The following KIF26B variants were observed in gnomAD, a reference collection of about 807,000 sequenced individuals.
KIF26B encodes the protein kinesin-like protein KIF26B.
KIF26B carries 63 observed loss-of-function variants against 151.2 expected under a neutral mutation model. That is an observed-to-expected ratio of 0.42 (90% CI 0.34 to 0.51). The LOEUF is 0.51. Ranked by LOEUF, KIF26B falls within the 20% of genes least tolerant of loss-of-function variation. The probability of loss-of-function intolerance (pLI) is 0.07; values close to 1 mark genes in which losing one functional copy is unlikely to be tolerated. For missense variants in KIF26B, 2,813 were observed against 2,913.6 expected (o/e 0.97, Z 0.79); for synonymous variants, 1,357 against 1,262.1 (o/e 1.08, Z -1.59).
chr1:245,176,421 G>T (rs1668810459), intron 2 of KIF26B, among the ~76,000 whole-genome samples: 1 of 152,184 alleles, frequency 6.6e-6, no homozygotes, highest in Non-Finnish European at 1.5e-5. Context: ...GGAGACCAGA[G>T]TTCAGGAAGC....
At chr1:245,501,725 C>A (rs545153308) in intron 4 of KIF26B, among the ~76,000 whole-genome samples, 1 of 152,302 alleles carries the variant, frequency 6.6e-6, no homozygotes, top group East Asian at 1.9e-4. Context: ...CTAAGACTAG[C>A]CACATATTTA....
At chr1:245,619,598 T>C (rs1377205144) in intron 9 of KIF26B, among the ~76,000 whole-genome samples, 1 of 92,710 alleles carries the variant, frequency 1.1e-5, no homozygotes, top group Admixed American at 1.3e-4. Flanking sequence ...AGAGGGAAAC[T>C]GTTTCAAAAA....
At position 245,164,934 on chromosome 1, in the gene KIF26B, G is replaced by C. The variant is rs191453971; in HGVS notation, c.465+8251G>C. ...CTAAAAATACAAAAATTAGCCGGGC[G>C]TGGTGGCCCACACCTGTAATCTCAG... On this transcript the variant is annotated intron_variant, in intron 2 of 14. Coordinates refer to ENST00000407071, the MANE Select transcript of KIF26B (RefSeq NM_018012.4). 3.0e-3 allele frequency among the ~76,000 whole-genome samples: 459 copies of C among 152,210 alleles called. 2 individuals are homozygous for C. Among genetic ancestry groups the C allele is most frequent in the African/African-American group, 0.011 (440 of 41,520 alleles).
intron 2 of KIF26B, among the ~76,000 whole-genome samples, chr1:245,253,184 T>G (rs1670475100): frequency 6.6e-6 from 1 of 151,746 alleles, no homozygotes; most frequent in Non-Finnish European, 1.5e-5. Flanking sequence ...TAATTTTGTA[T>G]TTTTAGTAGA....
In KIF26B at chr1:245,218,255, G is replaced by T. The variant is rs1374109461; in HGVS notation, c.465+61572G>T. Among the ~76,000 whole-genome samples the T allele has an allele frequency of 2.0e-5, 3 of 152,208 alleles. No homozygotes were observed. Among genetic ancestry groups the T allele is most frequent in the African/African-American group, 7.2e-5 (3 of 41,450 alleles). ...GGCAGACTGTGCCTGTGGCTTCTCAGTGGGGTGCCTTAGGGTCCCCTCAGC... is the reference window on the plus strand; with the variant it reads ...GGCAGACTGTGCCTGTGGCTTCTCATTGGGGTGCCTTAGGGTCCCCTCAGC... On this transcript the variant is annotated intron_variant, in intron 2 of 14. Transcript: ENST00000407071. The surrounding 1 kb of genome is among the most constrained non-coding windows in gnomAD (Gnocchi z 4.1).
intron 4 of KIF26B, among the ~76,000 whole-genome samples, chr1:245,539,270 A>C (rs1358823094): frequency 6.6e-6 from 1 of 152,288 alleles, no homozygotes; most frequent in African/African-American, 2.4e-5. Flanking sequence ...ATTTATCAAA[A>C]GCATGACACT....
intron 2 of KIF26B, among the ~76,000 whole-genome samples, chr1:245,224,051 G>T (rs1028187424): frequency 6.6e-6 from 1 of 152,178 alleles, no homozygotes; most frequent in African/African-American, 2.4e-5. Context: ...TTGGGAGGCT[G>T]AGGCGGGTGG....
intron 2 of KIF26B, among the ~76,000 whole-genome samples, chr1:245,174,254 C>A (rs1668764040): frequency 6.6e-6 from 1 of 152,172 alleles, no homozygotes; most frequent in African/African-American, 2.4e-5. Context: ...TTAACACCAC[C>A]TTATATTTAT....
chr1:245,390,942 A>AAAAAC lies in KIF26B; in HGVS notation c.999+23579_999+23580insCAAAA, dbSNP rs1558147941. Among the ~76,000 whole-genome samples, 1,203 of 145,336 alleles carry AAAAAC rather than the reference A, an allele frequency of 8.3e-3. 57 individuals carry two copies. Among genetic ancestry groups the AAAAAC allele is most frequent in the African/African-American group, 0.03 (1,142 of 37,858 alleles). ...GTCTCAAAAAAAAAAAAAAAAAAAA[A>AAAAAC]AAAAAAAAAACCACCATAAAATTTT... On this transcript the variant is annotated intron_variant, in intron 3 of 14. Coordinates refer to ENST00000407071, the MANE Select transcript of KIF26B (RefSeq NM_018012.4).
intron 2 of KIF26B, among the ~76,000 whole-genome samples, chr1:245,271,659 T>G (rs979223788): frequency 6.6e-6 from 1 of 152,098 alleles, no homozygotes; most frequent in African/African-American, 2.4e-5. Context: ...TGTACCACAT[T>G]GATTGACTTT....
rs571108613 is a variant in KIF26B at position 245,294,810 on chromosome 1, C to T, written c.466-72024C>T. On this transcript the variant is annotated intron_variant, in intron 2 of 14. Transcript: ENST00000407071. The stretch of plus-strand genomic sequence containing the variant: ...CCCGAGTAGCTGGGATTACAGGCAC[C>T]CACCAACAGACCTGGCTAATTTTTG... 9.0e-5 allele frequency among the ~76,000 whole-genome samples: 13 copies of T among 143,874 alleles called. No homozygotes were observed. In the South Asian group the frequency reaches 2.7e-3, roughly 30 times the overall value. The allele number at this position is 143,874 out of a possible 152,430, so 94.4% of individuals were successfully genotyped here.
intron 2 of KIF26B, among the ~76,000 whole-genome samples, chr1:245,351,655 T>C (rs1345044583): frequency 1.3e-5 from 2 of 152,176 alleles, no homozygotes; most frequent in African/African-American, 4.8e-5. Flanking sequence ...CTCAAGAAGA[T>C]TGAATGATTT....
chr1:245,367,514 AG>A lies in KIF26B; in HGVS notation c.999+149del, dbSNP rs1672991917. 9 of 812,460 alleles carry A rather than the reference AG, an allele frequency of 1.1e-5. No homozygotes were observed. The Admixed American group carries it at 2.0e-4, about 18-fold the overall frequency. The allele number at this position is 812,460 out of a possible 1,614,324, so 50.3% of individuals were successfully genotyped here. ...TGTGGCCCCCACAGAGTTCTCATCA[AG>A]GTGCCCCACCCGGGCCTGCCTGCTT... On this transcript the variant is annotated intron_variant, in intron 3 of 14. Transcript: ENST00000407071. The surrounding 1 kb of genome is among the most constrained non-coding windows in gnomAD (Gnocchi z 4.2).
chr1:245,315,903 G>A (rs1671764899), intron 2 of KIF26B, among the ~76,000 whole-genome samples: 1 of 151,852 alleles, frequency 6.6e-6, no homozygotes, highest in Non-Finnish European at 1.5e-5. Context: ...GGTTCAAATG[G>A]CAAATTTTAT....
Position 245,332,327 on chromosome 1 carries a change from C to T in KIF26B, c.466-34507C>T, listed in dbSNP as rs1337028224. Among the ~76,000 whole-genome samples the T allele has an allele frequency of 3.9e-5, 6 of 152,048 alleles. 1 individual carries two copies. Among genetic ancestry groups the T allele is most frequent in the African/African-American group, 1.4e-4 (6 of 41,392 alleles). On this transcript the variant is annotated intron_variant, in intron 2 of 14. Coordinates refer to ENST00000407071, the MANE Select transcript of KIF26B (RefSeq NM_018012.4). ...GACTAAAAATGACATAACCCCCACC[C>T]GTCTCCCAAGGGGGCAGGTGAGAGG... is the stretch of plus-strand genomic sequence containing the variant.
chr1:245,664,749 A>G (rs1271873273), intron 10 of KIF26B, among the ~76,000 whole-genome samples: 1 of 152,174 alleles, frequency 6.6e-6, no homozygotes, highest in Non-Finnish European at 1.5e-5. Context: ...CACTTAATAT[A>G]CTTTTGTGTA....
intron 9 of KIF26B, among the ~76,000 whole-genome samples, chr1:245,625,006 G>A (rs1458827257): frequency 6.6e-6 from 1 of 152,018 alleles, no homozygotes; most frequent in African/African-American, 2.4e-5. Context: ...AAAATTTCCA[G>A]TATCATTTGT....
chr1:245,696,742 T>C (rs2044699928), intron 12 of KIF26B, among the ~76,000 whole-genome samples: 1 of 152,198 alleles, frequency 6.6e-6, no homozygotes. Flanking sequence ...GTTTCGTTAG[T>C]TGGGGCCTGC....
intron 4 of KIF26B, among the ~76,000 whole-genome samples, chr1:245,491,790 C>G (rs1960027): frequency 6.6e-6 from 1 of 152,066 alleles, no homozygotes; most frequent in African/African-American, 2.4e-5. Context: ...TGCCTGTAAT[C>G]CCAGCTACTC....
Sources: allele counts gnomAD v4.1 joint callset (sites outside exome capture counted in the v4.1 genomes callset), GRCh38; gene constraint gnomAD v4.1.1; non-coding constraint Gnocchi (gnomAD v3.1); transcripts MANE v1.5; gene names NCBI Gene and HGNC (gene_info 2026-07-23, HGNC 2026-07-21).